The following MMP27 variants were observed in gnomAD, a reference collection of about 807,000 sequenced individuals.
MMP27 encodes matrix metallopeptidase 27, also known as matrix metalloproteinase-27.
In MMP27, 51 loss-of-function variants were observed where a neutral mutation model predicts 48.1. That is an observed-to-expected ratio of 1.06 (90% CI 0.85 to 1.34). The LOEUF is 1.34. MMP27 is among the 40% of genes most tolerant of loss of function. The probability of loss-of-function intolerance (pLI) is 0.00; values close to 1 mark genes in which losing one functional copy is unlikely to be tolerated. For missense variants in MMP27, 698 were observed against 619.3 expected, an observed-to-expected ratio of 1.13 and a Z score of -1.35; for synonymous variants, 229 against 208.9, an observed-to-expected ratio of 1.10 and a Z score of -0.83.
intron 2 of MMP27, among the ~76,000 whole-genome samples, chr11:102,703,803 C>T (rs1409098386): frequency 6.6e-6 from 1 of 152,194 alleles, no homozygotes; most frequent in Non-Finnish European, 1.5e-5. Flanking sequence ...GGATTACAGG[C>T]ATGAGCCACC....
chr11:102,701,024 C>T (rs1231003194), intron 4 of MMP27, among the ~76,000 whole-genome samples: 2 of 152,126 alleles, frequency 1.3e-5, no homozygotes, highest in African/African-American at 2.4e-5. Context: ...TTAAAAATTG[C>T]AATTTTGTTG....
rs751372678 is a variant in MMP27, at chr11:102,696,531, C to T, written c.782-40G>A. On this transcript the variant is annotated intron_variant, in intron 5 of 9. Coordinates refer to ENST00000260229, the MANE Select transcript of MMP27 (RefSeq NM_022122.3). ...AAAATACCACAATGAATTAAGAGGG[C>T]ATGAAGAAATATGCCTACACAAGGG... The T allele has an allele frequency of 5.0e-6, 8 of 1,607,686 alleles. No homozygotes were observed. The South Asian group carries it at 6.7e-5, about 13-fold the overall frequency.
chr11:102,702,936 T>G, intron 3 of MMP27, 34 bp downstream of exon 3: 1 of 1,612,070 alleles, frequency 6.2e-7, no homozygotes, highest in African/African-American at 1.3e-5. Flanking sequence ...TCTCCTGAGA[T>G]AAAAATAGCT....
At chr11:102,704,211 G>T (rs765712713) in intron 2 of MMP27, among the ~76,000 whole-genome samples, 5 of 152,224 alleles carry the variant, frequency 3.3e-5, no homozygotes, top group African/African-American at 9.7e-5. Flanking sequence ...ATGCTGTCAA[G>T]TATCTGCAGT....
Position 102,704,532 on chromosome 11 carries a change from A to G in MMP27, c.341+5T>C, listed in dbSNP as rs781410099. 9 of 1,597,612 alleles carry G rather than the reference A, an allele frequency of 5.6e-6. No homozygotes were observed. Among genetic ancestry groups the G allele is most frequent in the South Asian group, 5.5e-5 (5 of 90,266 alleles). On this transcript the variant is annotated splice_donor_5th_base_variant and intron_variant, in intron 2 of 9. Coordinates refer to ENST00000260229, the MANE Select transcript of MMP27 (RefSeq NM_022122.3). Reference sequence around the variant, plus strand: ...TAGGCGGAAATAAGCTGGCAGAAGCATTACCTGTAGGTGAGGTTGTATTTT... The same window carrying G: ...TAGGCGGAAATAAGCTGGCAGAAGCGTTACCTGTAGGTGAGGTTGTATTTT...
rs369257446 is a variant in MMP27 at position 102,700,605 on chromosome 11, G to A, written c.619+2148C>T. Among the ~76,000 whole-genome samples the A allele has an allele frequency of 3.3e-5, 5 of 152,300 alleles. No individual in the cohort carries two copies. The East Asian group carries it at 9.6e-4, about 29-fold the overall frequency. On this transcript the variant is annotated intron_variant, in intron 4 of 9. Transcript: ENST00000260229. ...GTAAGAAAATTACTTGACTTGCCCCGGGTCCCTCAGCTGGTCAATGGGAAG... is the reference window on the plus strand; with the variant it reads ...GTAAGAAAATTACTTGACTTGCCCCAGGTCCCTCAGCTGGTCAATGGGAAG...
intron 2 of MMP27, among the ~76,000 whole-genome samples, chr11:102,703,668 G>A (rs545865766): frequency 1.6e-4 from 25 of 152,042 alleles, no homozygotes; most frequent in South Asian, 1.2e-3. Flanking sequence ...GACTACAGGC[G>A]CGTGCCACCA....
Position 102,694,044 on chromosome 11 carries a change from C to T in MMP27, c.1055G>A (p.Arg352Lys), listed in dbSNP as rs1392673580. ...ATAATCTGGCAAGACAGCATATCCT[C>T]TGATCATCCAGAAGTTTTCATCTAG... Reference protein sequence around the residue: ...VFKDENFWMIRGYAVLPDYPK... With the variant: ...VFKDENFWMIKGYAVLPDYPK... The change falls in exon 8 of 10, where the codon AGA becomes AAA. Residue 352 changes from arginine to lysine, a missense_variant. Physicochemically the swap from Arg to Lys is conservative, Grantham distance 26. Coordinates refer to ENST00000260229, the MANE Select transcript of MMP27 (RefSeq NM_022122.3). 6.3e-7 allele frequency: 1 copy of T among 1,591,894 alleles called. No individual in the cohort carries two copies. Among genetic ancestry groups the T allele is most frequent in the Non-Finnish European group, 8.5e-7 (1 of 1,170,752 alleles).
At chr11:102,695,212 G>A (rs1193863865) in intron 6 of MMP27, 115 bp from the exon 7 acceptor site, 1 of 1,162,746 alleles carries the variant, frequency 8.6e-7, no homozygotes, top group Non-Finnish European at 1.2e-6. Context: ...AAATAATTGA[G>A]ATAATTAGCA....
chr11:102,692,848 A>T, intron 9 of MMP27, 90 bp downstream of exon 9: 1 of 1,062,388 alleles, frequency 9.4e-7, no homozygotes, highest in Non-Finnish European at 1.4e-6. Context: ...AAATTGCATT[A>T]AAATAAAAGC....
At position 102,697,841 on chromosome 11, in the gene MMP27, G is replaced by C. The variant is rs539044122; in HGVS notation, c.620-1006C>G. Among the ~76,000 whole-genome samples, 3 of 152,206 alleles carry C rather than the reference G, an allele frequency of 2.0e-5. No homozygotes were observed. In the South Asian group the frequency reaches 6.2e-4, roughly 32 times the overall value. ...TTTTTAAAATTTTGGACTTTATTGTGACTTAGCTTAAAACACAAACTTGTT... is the reference window on the plus strand; with the variant it reads ...TTTTTAAAATTTTGGACTTTATTGTCACTTAGCTTAAAACACAAACTTGTT... On this transcript the variant is annotated intron_variant, in intron 4 of 9. Coordinates refer to ENST00000260229, the MANE Select transcript of MMP27 (RefSeq NM_022122.3).
At chr11:102,703,670 G>A (rs1168787392) in intron 2 of MMP27, among the ~76,000 whole-genome samples, 4 of 151,940 alleles carry the variant, frequency 2.6e-5, no homozygotes, top group Non-Finnish European at 4.4e-5. Context: ...CTACAGGCGC[G>A]TGCCACCAGG....
chr11:102,695,833 A>G, intron 6 of MMP27, among the ~76,000 whole-genome samples: 1 of 152,238 alleles, frequency 6.6e-6, no homozygotes, highest in Non-Finnish European at 1.5e-5. Flanking sequence ...TAGTGAGAGA[A>G]GGGATTTCCC....
chr11:102,698,403 T>A (rs1860874339), intron 4 of MMP27, among the ~76,000 whole-genome samples: 1 of 151,950 alleles, frequency 6.6e-6, no homozygotes, highest in African/African-American at 2.4e-5. Context: ...TTGGTACTAG[T>A]CACATCATGG....
chr11:102,696,972 T>G, intron 4 of MMP27, 137 bp from the exon 5 acceptor site: 1 of 858,784 alleles, frequency 1.2e-6, no homozygotes, highest in East Asian at 2.7e-5. Context: ...TACCACCATT[T>G]ATCTGGGAGG....
At chr11:102,702,558 AG>A in intron 4 of MMP27, among the ~76,000 whole-genome samples, 194 bp downstream of exon 4, 1 of 152,242 alleles carries the variant, frequency 6.6e-6, no homozygotes, top group Non-Finnish European at 1.5e-5. Context: ...TAAATAATGA[AG>A]ACTGCTCTGA....
At chr11:102,699,793 C>A (rs140012660) in intron 4 of MMP27, among the ~76,000 whole-genome samples, 316 of 152,328 alleles carry the variant, frequency 2.1e-3, no homozygotes, top group African/African-American at 7.3e-3. Context: ...GCTTTCAAGA[C>A]CCTCTGTAAT....
chr11:102,692,050 A>G (rs775823362), intron 9 of MMP27, 40 bp from the exon 10 acceptor site: 135 of 1,494,942 alleles, frequency 9.0e-5, no homozygotes, highest in Middle Eastern at 1.8e-4. Flanking sequence ...TTTCATAACT[A>G]TATAATACTT....
At chr11:102,695,132 C>A in intron 6 of MMP27, 35 bp from the exon 7 acceptor site, 1 of 1,595,938 alleles carries the variant, frequency 6.3e-7, no homozygotes, top group South Asian at 1.1e-5. Flanking sequence ...CACATGCAGC[C>A]TATTTCCATG....
Sources: allele counts gnomAD v4.1 joint callset (sites outside exome capture counted in the v4.1 genomes callset), GRCh38; gene constraint gnomAD v4.1.1; transcripts MANE v1.5; gene names NCBI Gene and HGNC (gene_info 2026-07-23, HGNC 2026-07-21).